Variants in ATRX observed in about 807,000 individuals in gnomAD.
ATRX encodes chromatin remodeler ATRX.
ATRX carries 12 observed loss-of-function variants against 172.6 expected under a neutral mutation model. That is an observed-to-expected ratio of 0.07 (90% CI 0.04 to 0.11). The LOEUF is 0.11. Among genes scored for constraint, ATRX ranks in the 10% least tolerant of loss-of-function variants. ATRX has a pLI of 1.00. For synonymous variants in ATRX, 674 were observed against 594.7 expected (o/e 1.13, Z -1.94); for missense variants, 1,368 against 1,767.4 (o/e 0.77, Z 4.05).
At chrX:77,711,462 G>A (rs1306200551) in intron 2 of ATRX, among the ~76,000 whole-genome samples, 4 of 112,463 alleles carry the variant, frequency 3.6e-5, no homozygotes, top group Non-Finnish European at 7.5e-5. Context: ...AAATCCCAAA[G>A]AATCTACAAG....
chrX:77,634,593 C>A lies in ATRX; in HGVS notation c.4809+1G>T, dbSNP rs2068260894. On this transcript the variant is annotated splice_donor_variant, in intron 17 of 34. Coordinates refer to ENST00000373344, the MANE Select transcript of ATRX (RefSeq NM_000489.6). LOFTEE classifies it high-confidence loss of function. ...ATACCTTCATATTCTTCAGCTCTTACCTGTAAAGTCTTACCAAGGCCCATA... is the reference window on the plus strand; with the variant it reads ...ATACCTTCATATTCTTCAGCTCTTAACTGTAAAGTCTTACCAAGGCCCATA... 8.4e-7 allele frequency: 1 copy of A among 1,193,107 alleles called. No individual in the cohort carries two copies. Among genetic ancestry groups the A allele is most frequent in the African/African-American group, 1.8e-5 (1 of 56,688 alleles).
intron 1 of ATRX, among the ~76,000 whole-genome samples, chrX:77,762,251 G>A (rs1240869209): frequency 1.0e-5 from 1 of 98,735 alleles, no homozygotes; most frequent in Admixed American, 1.2e-4. Flanking sequence ...TTTGCAGTGA[G>A]CAGAGATCAC....
chrX:77,633,113 G>A (rs45564239), intron 19 of ATRX, 94 bp downstream of exon 19: 149 of 912,247 alleles, frequency 1.6e-4, no homozygotes, highest in Middle Eastern at 7.7e-4. Flanking sequence ...ACAAAGACCA[G>A]ATACTTAGTA....
intron 2 of ATRX, among the ~76,000 whole-genome samples, chrX:77,712,881 T>A (rs1429058265): frequency 1.8e-5 from 2 of 111,097 alleles, no homozygotes; most frequent in Non-Finnish European, 3.8e-5. Context: ...CTGGGCACAG[T>A]GGCTCACACT....
intron 10 of ATRX, among the ~76,000 whole-genome samples, chrX:77,673,473 C>CT (rs782736003): frequency 2.6e-4 from 29 of 110,956 alleles, no homozygotes; most frequent in African/African-American, 7.8e-4. Flanking sequence ...GATTAGTCTA[C>CT]TTTTTTTTAT....
chrX:77,587,773 A>C (rs937188597), intron 27 of ATRX, among the ~76,000 whole-genome samples: 2 of 112,571 alleles, frequency 1.8e-5, no homozygotes, highest in African/African-American at 6.5e-5. Context: ...ATTTAACAAA[A>C]GTGTAAAATG....
chrX:77,557,924 T>C (rs997634962), intron 29 of ATRX, among the ~76,000 whole-genome samples: 27 of 111,359 alleles, frequency 2.4e-4, no homozygotes, highest in African/African-American at 8.4e-4. Flanking sequence ...CTGTACTCTG[T>C]AGGAGGAGGA....
intron 19 of ATRX, among the ~76,000 whole-genome samples, chrX:77,629,986 G>A (rs1424671615): frequency 1.8e-5 from 2 of 112,419 alleles, no homozygotes; most frequent in Non-Finnish European, 3.8e-5. Context: ...ACACACGCGT[G>A]AGCGCACACA....
At chrX:77,766,356 C>T (rs1301440239) in intron 1 of ATRX, among the ~76,000 whole-genome samples, 2 of 111,000 alleles carry the variant, frequency 1.8e-5, no homozygotes, top group East Asian at 5.8e-4. Context: ...GGGTGGCTGC[C>T]GGGCGGAGAC....
At chrX:77,627,623 C>T (rs1557103883) in intron 19 of ATRX, among the ~76,000 whole-genome samples, 1 of 106,218 alleles carries the variant, frequency 9.4e-6, no homozygotes, top group East Asian at 3.0e-4. Context: ...GTGAGATCCT[C>T]ATCTCCAAAT....
intron 30 of ATRX, among the ~76,000 whole-genome samples, chrX:77,556,481 C>T (rs1315197848): frequency 9.2e-6 from 1 of 108,644 alleles, no homozygotes; most frequent in Non-Finnish European, 1.9e-5. Flanking sequence ...AGCTGTAACA[C>T]TTACTGGTCA....
At chrX:77,601,328 G>A (rs1009168755) in intron 22 of ATRX, among the ~76,000 whole-genome samples, 2 of 108,529 alleles carry the variant, frequency 1.8e-5, no homozygotes, top group African/African-American at 6.7e-5. Flanking sequence ...CATTAGCCAG[G>A]TATGATGGCA....
chrX:77,738,934 T>C (rs1247398346), intron 1 of ATRX, among the ~76,000 whole-genome samples: 1 of 111,857 alleles, frequency 8.9e-6, no homozygotes, highest in Non-Finnish European at 1.9e-5. Flanking sequence ...GCATACTTTT[T>C]CATCTTTGTT....
rs183813939 is a variant in ATRX, at chrX:77,639,297, T to C, written c.4558-3241A>G. Among the ~76,000 whole-genome samples, 22 of 112,265 alleles carry C rather than the reference T, an allele frequency of 2.0e-4. No individual in the cohort carries two copies. The East Asian group carries it at 5.3e-3, about 27-fold the overall frequency. On this transcript the variant is annotated intron_variant, in intron 15 of 34. Coordinates refer to ENST00000373344, the MANE Select transcript of ATRX (RefSeq NM_000489.6). Reference sequence around the variant, plus strand: ...GCCCTTTAAATGACTGAAATGCTTTTCTATTGATCTCAAAGATGAAACAAT... The same window carrying C: ...GCCCTTTAAATGACTGAAATGCTTTCCTATTGATCTCAAAGATGAAACAAT...
chrX:77,619,092 TAAAG>T (rs2067476756), intron 20 of ATRX, 111 bp from the exon 21 acceptor site: 1 of 525,753 alleles, frequency 1.9e-6, no homozygotes, highest in Non-Finnish European at 3.1e-6. Flanking sequence ...AATTAAGCTA[TAAAG>T]AAAGAATATC....
intron 19 of ATRX, among the ~76,000 whole-genome samples, chrX:77,630,583 A>C (rs1015872690): frequency 8.9e-6 from 1 of 112,261 alleles, no homozygotes; most frequent in African/African-American, 3.2e-5. Context: ...AAATAAACAC[A>C]TACATCTATG....
intron 1 of ATRX, among the ~76,000 whole-genome samples, chrX:77,775,378 C>T (rs931284599): frequency 9.0e-6 from 1 of 111,464 alleles, no homozygotes; most frequent in Non-Finnish European, 1.9e-5. Flanking sequence ...CCTGAGGTTA[C>T]AGTTACAAAA....
intron 1 of ATRX, among the ~76,000 whole-genome samples, chrX:77,772,485 AG>A (rs1197692380): frequency 9.6e-6 from 1 of 104,370 alleles, no homozygotes; most frequent in Admixed American, 1.0e-4. Flanking sequence ...AAAAAAAAAA[AG>A]CTTTTTTTTG....
intron 25 of ATRX, chrX:77,596,704 T>C (rs1469286415): frequency 9.0e-6 from 1 of 110,771 alleles, no homozygotes; most frequent in Non-Finnish European, 1.9e-5. Context: ...TTATGGCATA[T>C]GTAAAAAACG....
Sources: allele counts gnomAD v4.1 joint callset (sites outside exome capture counted in the v4.1 genomes callset), GRCh38; gene constraint gnomAD v4.1.1; transcripts MANE v1.5; gene names NCBI Gene and HGNC (gene_info 2026-07-23, HGNC 2026-07-21).